The following CNR1 variants were observed in gnomAD, a reference collection of about 807,000 sequenced individuals.
CNR1 encodes cannabinoid receptor 1 (brain).
In CNR1, 10 loss-of-function variants were observed where a neutral mutation model predicts 23.0. That is an observed-to-expected ratio of 0.43 (90% CI 0.27 to 0.74). The LOEUF is 0.74. Among genes scored for constraint, CNR1 ranks in the 30% least tolerant of loss-of-function variants. The probability of loss-of-function intolerance (pLI) is 0.19; values close to 1 mark genes in which losing one functional copy is unlikely to be tolerated. For missense variants in CNR1, 422 were observed against 618.8 expected (o/e 0.68, Z 3.37); for synonymous variants, 271 against 255.2 (o/e 1.06, Z -0.59).
rs761017586 is a variant in CNR1 at position 88,145,284 on chromosome 6, C to G, written c.-10G>C. ...CTAGGATCGACTTCATAACCTCAGTCTTTGATTAGGCTGAGCTCAAAATGA... is the reference window on the plus strand; with the variant it reads ...CTAGGATCGACTTCATAACCTCAGTGTTTGATTAGGCTGAGCTCAAAATGA... On this transcript the variant is annotated 5_prime_UTR_variant, in exon 2 of 2. Transcript: ENST00000369501. The G allele has an allele frequency of 2.5e-6, 4 of 1,596,562 alleles. No homozygotes were observed. The South Asian group carries it at 4.5e-5, about 18-fold the overall frequency.
intron 1 of CNR1, among the ~76,000 whole-genome samples, chr6:88,146,885 T>A (rs1461494281): frequency 6.6e-6 from 1 of 152,192 alleles, no homozygotes; most frequent in Non-Finnish European, 1.5e-5. Flanking sequence ...GACCCTAATA[T>A]CTGAATTAAT....
At chr6:88,148,366 A>AT (rs1227605139) in intron 1 of CNR1, among the ~76,000 whole-genome samples, 2 of 152,220 alleles carry the variant, frequency 1.3e-5, no homozygotes, top group African/African-American at 4.8e-5. Flanking sequence ...CCCACTAGAC[A>AT]GTAAGTTCAC....
At chr6:88,151,509 A>G (rs903388450) in intron 1 of CNR1, among the ~76,000 whole-genome samples, 2 of 152,200 alleles carry the variant, frequency 1.3e-5, no homozygotes, top group African/African-American at 4.8e-5. Flanking sequence ...GATGATGACA[A>G]TAATGCCTAA....
intron 1 of CNR1, among the ~76,000 whole-genome samples, chr6:88,161,816 T>C (rs935612696): frequency 1.3e-5 from 2 of 152,158 alleles, no homozygotes; most frequent in Admixed American, 6.5e-5. Flanking sequence ...CTTACAAACC[T>C]GCCCCCCTAA....
At chr6:88,161,272 A>G (rs951369821) in intron 1 of CNR1, among the ~76,000 whole-genome samples, 2 of 152,336 alleles carry the variant, frequency 1.3e-5, no homozygotes, top group East Asian at 1.9e-4. Context: ...CTGGGGCTCA[A>G]ATACAATTCA....
Position 88,140,927 on chromosome 6 carries a change from A to G in CNR1, c.*2929T>C, listed in dbSNP as rs1239393352. On this transcript the variant is annotated 3_prime_UTR_variant, in exon 2 of 2. Transcript: ENST00000369501. ...AGAGGTTCCTCTTGGAGGCAGCCCT[A>G]CTTGTGCAAATGAAACATTCTAGGA... The G allele has an allele frequency of 3.3e-5, 5 of 152,302 alleles. No individual in the cohort carries two copies. Among genetic ancestry groups the G allele is most frequent in the African/African-American group, 1.2e-4 (5 of 41,436 alleles). 9.4% of individuals were successfully genotyped at this position (152,302 alleles called of 1,614,324 possible).
At chr6:88,151,582 A>G (rs1204235378) in intron 1 of CNR1, among the ~76,000 whole-genome samples, 1 of 152,150 alleles carries the variant, frequency 6.6e-6, no homozygotes, top group African/African-American at 2.4e-5. Context: ...GCCTGACACA[A>G]AAGTAAGTCT....
At chr6:88,164,948 A>T (rs896840284) in intron 1 of CNR1, among the ~76,000 whole-genome samples, 2 of 152,254 alleles carry the variant, frequency 1.3e-5, no homozygotes, top group Non-Finnish European at 2.9e-5. Flanking sequence ...GAGGAGGCTT[A>T]CTATATCAGG....
intron 1 of CNR1, among the ~76,000 whole-genome samples, chr6:88,152,312 C>T (rs535592762): frequency 4.0e-5 from 6 of 151,814 alleles, no homozygotes; most frequent in Non-Finnish European, 7.4e-5. Flanking sequence ...TATCAAAGCT[C>T]ATCTAGGTAA....
At chr6:88,166,670 A>T (rs552763217), upstream of CNR1, among the ~76,000 whole-genome samples, 1 of 152,190 alleles carries the variant, frequency 6.6e-6, no homozygotes, top group East Asian at 1.9e-4. Flanking sequence ...CACCCTGACC[A>T]GGCCAAGAAG....
At chr6:88,150,029 G>C (rs1327316696) in intron 1 of CNR1, among the ~76,000 whole-genome samples, 4 of 152,186 alleles carry the variant, frequency 2.6e-5, no homozygotes, top group African/African-American at 9.7e-5. Flanking sequence ...CCTTAAAACA[G>C]TGATTTGCAT....
intron 1 of CNR1, among the ~76,000 whole-genome samples, chr6:88,159,511 G>C (rs139449457): frequency 6.6e-6 from 1 of 152,030 alleles, no homozygotes; most frequent in African/African-American, 2.4e-5. Flanking sequence ...TAATTATTTC[G>C]TCAATAAAAA....
chr6:88,147,391 G>A (rs1244262709), intron 1 of CNR1, among the ~76,000 whole-genome samples: 21 of 152,154 alleles, frequency 1.4e-4, no homozygotes, highest in Admixed American at 1.4e-3. Flanking sequence ...AGAAAGCATG[G>A]GGAGAGCTAC....
chr6:88,164,566 G>C (rs1185763445), intron 1 of CNR1, among the ~76,000 whole-genome samples: 1 of 152,184 alleles, frequency 6.6e-6, no homozygotes, highest in African/African-American at 2.4e-5. Context: ...CTGAGTTAGA[G>C]AGCGGGGGAG....
At position 88,144,279 on chromosome 6, in the gene CNR1, T is replaced by C; in HGVS notation, c.996A>G (p.Pro332=). 6.2e-7 allele frequency: 1 copy of C among 1,611,406 alleles called. No homozygotes were observed. The highest frequency in any genetic ancestry group is 8.5e-7 in the Non-Finnish European group (1 of 1,179,990). ...ACCTAATGTCCATGCGGGCTTGGTC[T>C]GGCCGGGTCACCTGTACCTTCCCAT... ...SEDGKVQVTR[P]DQARMDIRLA... The change falls in exon 2 of 2, where the codon CCA becomes CCG. Residue 332 remains proline, a synonymous_variant. Coordinates refer to ENST00000369501, the MANE Select transcript of CNR1 (RefSeq NM_016083.6). This position sits in a 1 kb window ranked among gnomAD's most constrained non-coding sequence, Gnocchi z 7.8.
At chr6:88,150,469 A>G (rs1368791829) in intron 1 of CNR1, among the ~76,000 whole-genome samples, 2 of 152,194 alleles carry the variant, frequency 1.3e-5, no homozygotes. Context: ...AGTAATTAAC[A>G]TTATTATACA....
intron 1 of CNR1, among the ~76,000 whole-genome samples, chr6:88,148,039 C>T (rs548746867): frequency 6.6e-6 from 1 of 152,316 alleles, no homozygotes; most frequent in Admixed American, 6.5e-5. Context: ...TGATCTAGCT[C>T]CCGCCCACCT....
At chr6:88,153,663 T>C (rs1370967914) in intron 1 of CNR1, among the ~76,000 whole-genome samples, 1 of 152,244 alleles carries the variant, frequency 6.6e-6, no homozygotes. Context: ...ATATATTTGT[T>C]GGTTATTTTC....
upstream of CNR1, among the ~76,000 whole-genome samples, chr6:88,166,997 G>A (rs1016982863): frequency 1.5e-4 from 23 of 151,954 alleles, no homozygotes; most frequent in Admixed American, 9.8e-4. Context: ...CCTGTCCTCC[G>A]CCCTCGGGGC....
Sources: allele counts gnomAD v4.1 joint callset (sites outside exome capture counted in the v4.1 genomes callset), GRCh38; gene constraint gnomAD v4.1.1; non-coding constraint Gnocchi (gnomAD v3.1); transcripts MANE v1.5; gene names NCBI Gene and HGNC (gene_info 2026-07-23, HGNC 2026-07-21).